Variants in ITK observed in about 807,000 individuals in gnomAD.
ITK encodes the protein IL2 inducible T cell kinase, also known as tyrosine-protein kinase ITK/TSK.
Under a neutral mutation model 87.6 loss-of-function variants are expected in ITK, and 45 were observed. That is an observed-to-expected ratio of 0.51 (90% CI 0.40 to 0.66). ITK has a LOEUF of 0.66. Ranked by LOEUF, ITK falls within the 30% of genes least tolerant of loss-of-function variation. The probability of loss-of-function intolerance (pLI) is 0.00; values close to 1 mark genes in which losing one functional copy is unlikely to be tolerated. For synonymous variants in ITK, 303 were observed against 273.6 expected (o/e 1.11, Z -1.06); for missense variants, 605 against 766.3 (o/e 0.79, Z 2.48).
Position 157,220,502 on chromosome 5 carries a change from T to C in ITK, c.496-2361T>C, listed in dbSNP as rs148671253. Among the ~76,000 whole-genome samples, 803 of 152,282 alleles carry C rather than the reference T, an allele frequency of 5.3e-3. 4 individuals are homozygous for C. Among genetic ancestry groups the C allele is most frequent in the African/African-American group, 0.018 (767 of 41,546 alleles). On this transcript the variant is annotated intron_variant, in intron 5 of 16. Coordinates refer to ENST00000422843, the MANE Select transcript of ITK (RefSeq NM_005546.4). ...CCCTGCCACTGCTACCTGGGCTCTC[T>C]GTGAGGGCCCCTCAGCCCCGTGGAG...
At chr5:157,246,163 C>T (rs967049802) in intron 15 of ITK, among the ~76,000 whole-genome samples, 164 bp downstream of exon 15, 1 of 152,072 alleles carries the variant, frequency 6.6e-6, no homozygotes, top group Non-Finnish European at 1.5e-5. Context: ...ATGAAAGGGC[C>T]TTCATCATTT....
chr5:157,241,667 A>G lies in ITK; in HGVS notation c.1007A>G (p.Tyr336Cys), dbSNP rs1344120880. Reference sequence around the variant, plus strand: ...CCAGGCCTGGTGACTCGACTCCGGTATCCAGTTTGTTTTGGGAGGCAGAAA... The same window carrying G: ...CCAGGCCTGGTGACTCGACTCCGGTGTCCAGTTTGTTTTGGGAGGCAGAAA... Reference protein sequence around the residue: ...NGGGLVTRLRYPVCFGRQKAP... With the variant: ...NGGGLVTRLRCPVCFGRQKAP... Residue 336 changes from tyrosine to cysteine, a missense_variant, in exon 11 of 17, where the codon TAT becomes TGT. Around this residue, in one of 3 missense-constraint regions of ITK, gnomAD observed 464 missense variants for 578.0 expected, o/e 0.80. Coordinates refer to ENST00000422843, the MANE Select transcript of ITK (RefSeq NM_005546.4). The G allele has an allele frequency of 3.1e-6, 5 of 1,613,980 alleles. No individual in the cohort carries two copies. Among genetic ancestry groups the G allele is most frequent in the African/African-American group, 2.7e-5 (2 of 75,038 alleles).
chr5:157,186,290 G>C (rs1019263948), intron 1 of ITK, among the ~76,000 whole-genome samples: 17 of 151,790 alleles, frequency 1.1e-4, no homozygotes, highest in African/African-American at 3.9e-4. Flanking sequence ...AATATTTTAG[G>C]ACCTCTACGT....
intron 15 of ITK, among the ~76,000 whole-genome samples, chr5:157,247,653 G>A (rs1755049159): frequency 6.6e-6 from 1 of 152,196 alleles, no homozygotes; most frequent in African/African-American, 2.4e-5. Context: ...GAGGTTGATG[G>A]ATGGATGCAG....
chr5:157,240,616 G>A (rs893286561), intron 10 of ITK: 2 of 226,388 alleles, frequency 8.8e-6, no homozygotes, highest in Non-Finnish European at 1.8e-5. Context: ...TGGTTGTATA[G>A]GAAGCATGGT....
chr5:157,216,986 T>C (rs1754310632), intron 4 of ITK, among the ~76,000 whole-genome samples: 1 of 152,136 alleles, frequency 6.6e-6, no homozygotes, highest in Non-Finnish European at 1.5e-5. Flanking sequence ...ACTCATCGTC[T>C]ACCTATGCAG....
chr5:157,239,953 T>C, intron 9 of ITK, 109 bp from the exon 10 acceptor site: 1 of 1,100,378 alleles, frequency 9.1e-7, no homozygotes, highest in Non-Finnish European at 1.3e-6. Context: ...ATCTGCCACC[T>C]TGTGAGAGGT....
intron 1 of ITK, among the ~76,000 whole-genome samples, chr5:157,198,630 A>G (rs909722338): frequency 5.9e-5 from 9 of 152,194 alleles, no homozygotes; most frequent in African/African-American, 2.2e-4. Context: ...AGAGCTTTAG[A>G]ATAGAGGGAG....
chr5:157,243,915 C>T, intron 12 of ITK, 121 bp downstream of exon 12: 1 of 896,960 alleles, frequency 1.1e-6, no homozygotes, highest in Non-Finnish European at 1.8e-6. Flanking sequence ...GCAGTGGCTT[C>T]CTATTGCACA....
intron 1 of ITK, among the ~76,000 whole-genome samples, chr5:157,191,883 A>G (rs1210419253): frequency 6.6e-6 from 1 of 152,202 alleles, no homozygotes; most frequent in East Asian, 1.9e-4. Context: ...GCTTCTTAGG[A>G]TAGAGTGCCC....
At chr5:157,183,577 C>T (rs1580870447) in intron 1 of ITK, among the ~76,000 whole-genome samples, 1 of 152,178 alleles carries the variant, frequency 6.6e-6, no homozygotes, top group East Asian at 1.9e-4. Flanking sequence ...TCTACAGAAG[C>T]TAGCAGGCTG....
intron 1 of ITK, chr5:157,195,517 C>G (rs779888908): frequency 6.6e-6 from 1 of 152,150 alleles, no homozygotes; most frequent in Non-Finnish European, 1.5e-5. Flanking sequence ...CCATGTGGCA[C>G]ATTTCAATAA....
intron 1 of ITK, among the ~76,000 whole-genome samples, chr5:157,194,520 C>T (rs1753814556): frequency 6.6e-6 from 1 of 152,178 alleles, no homozygotes; most frequent in Non-Finnish European, 1.5e-5. Context: ...AAGTATTAGC[C>T]TAGCGAAGTG....
At chr5:157,228,472 CA>C (rs1393681487) in intron 7 of ITK, 111 bp downstream of exon 7, 11 of 719,384 alleles carry the variant, frequency 1.5e-5, no homozygotes, top group Non-Finnish European at 2.8e-5. Context: ...ACTGCAACAG[CA>C]ATGTTCACAC....
In ITK at chr5:157,200,011, G is replaced by A. The variant is rs151233633; in HGVS notation, c.139-8878G>A. Among the ~76,000 whole-genome samples the A allele has an allele frequency of 7.2e-5, 11 of 151,884 alleles. No individual in the cohort carries two copies. The East Asian group carries it at 2.1e-3, about 30-fold the overall frequency. On this transcript the variant is annotated intron_variant, in intron 1 of 16. Coordinates refer to ENST00000422843, the MANE Select transcript of ITK (RefSeq NM_005546.4). Reference sequence around the variant, plus strand: ...CATAGCAGAGCAGCTCCTTCTCTGTGAGATCTATTGAAAGTCAGCCCTTAA... The same window carrying A: ...CATAGCAGAGCAGCTCCTTCTCTGTAAGATCTATTGAAAGTCAGCCCTTAA...
intron 1 of ITK, among the ~76,000 whole-genome samples, chr5:157,200,187 A>G (rs1272352695): frequency 6.6e-6 from 1 of 152,252 alleles, no homozygotes; most frequent in Non-Finnish European, 1.5e-5. Flanking sequence ...CCTTGTGAAG[A>G]TTTGTAAGCA....
At chr5:157,205,632 C>T (rs986374325) in intron 1 of ITK, among the ~76,000 whole-genome samples, 4 of 152,140 alleles carry the variant, frequency 2.6e-5, no homozygotes, top group East Asian at 1.9e-4. Flanking sequence ...AGGACAGTCA[C>T]ATGGGTATAA....
chr5:157,232,652 T>C (rs1464805302), intron 8 of ITK, among the ~76,000 whole-genome samples: 1 of 152,246 alleles, frequency 6.6e-6, no homozygotes, highest in Non-Finnish European at 1.5e-5. Context: ...AGAATTGTAC[T>C]GTTTTTTCAG....
At chr5:157,189,418 G>T (rs980311383) in intron 1 of ITK, among the ~76,000 whole-genome samples, 10 of 152,092 alleles carry the variant, frequency 6.6e-5, no homozygotes. Flanking sequence ...AGTGGCTTAT[G>T]CCTGTAATCC....
Sources: allele counts gnomAD v4.1 joint callset (sites outside exome capture counted in the v4.1 genomes callset), GRCh38; gene constraint gnomAD v4.1.1; regional missense constraint gnomAD v4.1.1; transcripts MANE v1.5; gene names NCBI Gene and HGNC (gene_info 2026-07-23, HGNC 2026-07-21).